HMGB1: variants seen among roughly 807,000 people sequenced by gnomAD.
HMGB1 encodes high mobility group box 1.
For synonymous variants in HMGB1, 81 were observed against 84.0 expected (o/e 0.96, Z 0.19); for missense variants, 79 against 253.5 (o/e 0.31, Z 4.67).
intron 1 of HMGB1, among the ~76,000 whole-genome samples, chr13:30,531,041 T>C (rs1888481594): frequency 1.3e-5 from 2 of 151,988 alleles, no homozygotes; most frequent in African/African-American, 4.8e-5. Flanking sequence ...TGAGACCCTG[T>C]CTCAAAAGAC....
intron 1 of HMGB1, among the ~76,000 whole-genome samples, chr13:30,589,041 T>C (rs1329693653): frequency 6.6e-6 from 1 of 151,260 alleles, no homozygotes; most frequent in African/African-American, 2.4e-5. Context: ...GTCTTGCTCT[T>C]GTTGCCCAGG....
At chr13:30,538,545 CTTTCTTTCTTTT>C (rs1868614304) in intron 1 of HMGB1, among the ~76,000 whole-genome samples, 1 of 104,212 alleles carries the variant, frequency 9.6e-6, no homozygotes, top group African/African-American at 5.8e-5. Context: ...TCCTTTCTTT[CTTTCTTTCTTTT>C]TCTTTCTTCT....
chr13:30,519,392 C>CAA (rs59577109), intron 1 of HMGB1, among the ~76,000 whole-genome samples: 5 of 78,826 alleles, frequency 6.3e-5, no homozygotes, highest in African/African-American at 2.4e-4. Flanking sequence ...CACTCTGTCT[C>CAA]AAAAAAAAAA....
chr13:30,547,843 G>T (rs1039149846), intron 1 of HMGB1, among the ~76,000 whole-genome samples: 2 of 152,088 alleles, frequency 1.3e-5, no homozygotes, highest in African/African-American at 4.8e-5. Flanking sequence ...GCTTGAACCC[G>T]GGAGGCAGAG....
At chr13:30,616,107 G>A (rs1040327159) in intron 1 of HMGB1, among the ~76,000 whole-genome samples, 1 of 152,060 alleles carries the variant, frequency 6.6e-6, no homozygotes, top group Non-Finnish European at 1.5e-5. Flanking sequence ...TAAACGAAAG[G>A]GGTTTTCTAG....
At chr13:30,614,402 G>C (rs998206280) in intron 1 of HMGB1, among the ~76,000 whole-genome samples, 1 of 152,200 alleles carries the variant, frequency 6.6e-6, no homozygotes, top group African/African-American at 2.4e-5. Context: ...CTCTCCTTAA[G>C]AGATCCATCT....
chr13:30,475,118 G>GTCTC (rs201116510), intron 1 of HMGB1, among the ~76,000 whole-genome samples: 5 of 41,784 alleles, frequency 1.2e-4, no homozygotes, highest in South Asian at 2.6e-3. Flanking sequence ...TTGGCTCACT[G>GTCTC]TCTCTCTCTC....
At chr13:30,567,611 A>G (rs1198288043) in intron 1 of HMGB1, among the ~76,000 whole-genome samples, 2 of 152,116 alleles carry the variant, frequency 1.3e-5, no homozygotes, top group Admixed American at 6.5e-5. Flanking sequence ...CGGCCTCCCA[A>G]AGTGCTGGGA....
At chr13:30,481,011 T>C (rs1439819550) in intron 1 of HMGB1, among the ~76,000 whole-genome samples, 1 of 151,758 alleles carries the variant, frequency 6.6e-6, no homozygotes, top group Non-Finnish European at 1.5e-5. Flanking sequence ...AGAGGTGTAA[T>C]ATTAGTCTCT....
chr13:30,458,852 C>T lies in HMGB1; in HGVS notation c.*2505G>A, dbSNP rs1290204069. The T allele has an allele frequency of 1.3e-5, 2 of 152,188 alleles. No homozygotes were observed. The highest frequency in any genetic ancestry group is 4.8e-5 in the African/African-American group (2 of 41,436). The allele number at this position is 152,188 out of a possible 1,614,324, so 9.4% of individuals were successfully genotyped here. A position where few individuals can be genotyped will look rare whatever the true frequency, so the allele number is the denominator to read the frequency against. On this transcript the variant is annotated 3_prime_UTR_variant, in exon 5 of 5. Transcript: ENST00000341423. ...ATAAATACAGCAAACATTAACAACA[C>T]TGTGATGGGACGATCATCAGAACTG...
At chr13:30,474,460 G>A (rs1242680273) in intron 1 of HMGB1, among the ~76,000 whole-genome samples, 2 of 152,160 alleles carry the variant, frequency 1.3e-5, no homozygotes, top group Non-Finnish European at 2.9e-5. Flanking sequence ...CGCTTTTATA[G>A]GGATACCGTG....
At chr13:30,532,502 C>A (rs771420998) in intron 1 of HMGB1, among the ~76,000 whole-genome samples, 2 of 151,784 alleles carry the variant, frequency 1.3e-5, no homozygotes, top group African/African-American at 2.4e-5. Context: ...ATAAATCAAT[C>A]CTTTATTTTT....
At chr13:30,467,562 G>GTGT (rs1322746028), upstream of HMGB1, among the ~76,000 whole-genome samples, 1 of 152,204 alleles carries the variant, frequency 6.6e-6, no homozygotes, top group Non-Finnish European at 1.5e-5. Flanking sequence ...TGCACATGCA[G>GTGT]TGTTTAAAGA....
At chr13:30,554,162 A>C in intron 1 of HMGB1, 1 of 1,350,842 alleles carries the variant, frequency 7.4e-7, no homozygotes, top group Non-Finnish European at 1.1e-6. Context: ...AGAAAATATC[A>C]ATAGTGGTGA....
chr13:30,472,206 G>A (rs2137420912), intron 1 of HMGB1, among the ~76,000 whole-genome samples: 1 of 152,186 alleles, frequency 6.6e-6, no homozygotes, highest in South Asian at 2.1e-4. Context: ...TTGAACCCAG[G>A]GGGCGGAAGT....
At chr13:30,510,711 C>T (rs1887973443) in intron 1 of HMGB1, among the ~76,000 whole-genome samples, 1 of 152,078 alleles carries the variant, frequency 6.6e-6, no homozygotes, top group Non-Finnish European at 1.5e-5. Flanking sequence ...ATCTAACTCG[C>T]GAGGAGGCTA....
chr13:30,613,910 T>TA (rs1264641078), intron 1 of HMGB1, among the ~76,000 whole-genome samples: 13 of 151,760 alleles, frequency 8.6e-5, no homozygotes, highest in Admixed American at 3.9e-4. Context: ...AAAAAACACC[T>TA]AAATGTTCAA....
At chr13:30,553,255 T>C (rs927623804) in intron 1 of HMGB1, among the ~76,000 whole-genome samples, 1 of 152,184 alleles carries the variant, frequency 6.6e-6, no homozygotes, top group African/African-American at 2.4e-5. Context: ...TATTCCTTGG[T>C]GTCACATTCC....
intron 1 of HMGB1, among the ~76,000 whole-genome samples, chr13:30,495,351 G>T (rs1339913129): frequency 6.6e-6 from 1 of 151,986 alleles, no homozygotes; most frequent in Non-Finnish European, 1.5e-5. Context: ...CTCTCCTTTT[G>T]AACAACTCTA....
Sources: allele counts gnomAD v4.1 joint callset (sites outside exome capture counted in the v4.1 genomes callset), GRCh38; gene constraint gnomAD v4.1.1; transcripts MANE v1.5; gene names NCBI Gene and HGNC (gene_info 2026-07-23, HGNC 2026-07-21).